Variants in CADPS2 observed in about 807,000 individuals in gnomAD.
CADPS2 encodes calcium-dependent secretion activator 2.
CADPS2 carries 93 observed loss-of-function variants against 172.5 expected under a neutral mutation model. The ratio of observed to expected loss-of-function variants is 0.54; its 90% CI spans 0.46 to 0.64. The LOEUF is 0.64. Among genes scored for constraint, CADPS2 ranks in the 30% least tolerant of loss-of-function variants. The pLI is 0.00. For synonymous variants in CADPS2, 546 were observed against 555.2 expected (o/e 0.98, Z 0.23); for missense variants, 1,420 against 1,565.9 (o/e 0.91, Z 1.57).
At chr7:122,738,970 A>T (rs2092334096) in intron 1 of CADPS2, among the ~76,000 whole-genome samples, 1 of 152,130 alleles carries the variant, frequency 6.6e-6, no homozygotes, top group South Asian at 2.1e-4. Flanking sequence ...AGGTGCAGGA[A>T]CATCATCATT....
intron 1 of CADPS2, among the ~76,000 whole-genome samples, chr7:122,784,176 G>C (rs1197781124): frequency 6.6e-6 from 1 of 151,838 alleles, no homozygotes; most frequent in Non-Finnish European, 1.5e-5. Flanking sequence ...CCCCTAATAA[G>C]CTCAGTTTTT....
chr7:122,713,791 T>C (rs943874309), intron 2 of CADPS2, among the ~76,000 whole-genome samples: 51 of 152,202 alleles, frequency 3.4e-4, no homozygotes, highest in Non-Finnish European at 2.4e-4. Context: ...AGAAGATGCA[T>C]GAAAACAGTG....
chr7:122,392,715 A>G (rs953854836), intron 22 of CADPS2, among the ~76,000 whole-genome samples: 12 of 152,212 alleles, frequency 7.9e-5, no homozygotes, highest in African/African-American at 2.7e-4. Context: ...AGGGCCTGCA[A>G]TGATGCAGTA....
chr7:122,839,584 A>G (rs2140891383), intron 1 of CADPS2, among the ~76,000 whole-genome samples: 1 of 152,312 alleles, frequency 6.6e-6, no homozygotes, highest in Non-Finnish European at 1.5e-5. Context: ...AATTTACAGG[A>G]AAAAAACAAA....
intron 1 of CADPS2, among the ~76,000 whole-genome samples, chr7:122,823,885 G>C (rs1804094691): frequency 6.6e-6 from 1 of 152,054 alleles, no homozygotes. Context: ...GGGTTGTGCA[G>C]GAGGGTGTTC....
At chr7:122,720,691 C>A (rs1457142021) in intron 2 of CADPS2, among the ~76,000 whole-genome samples, 1 of 151,578 alleles carries the variant, frequency 6.6e-6, no homozygotes, top group Non-Finnish European at 1.5e-5. Flanking sequence ...TTTTAATATA[C>A]CCCTAAAAAG....
intron 1 of CADPS2, among the ~76,000 whole-genome samples, chr7:122,841,051 A>G (rs1389414737): frequency 1.3e-5 from 2 of 152,212 alleles, no homozygotes; most frequent in African/African-American, 2.4e-5. Context: ...GATCAATATA[A>G]GAAATCACTC....
intron 1 of CADPS2, among the ~76,000 whole-genome samples, chr7:122,875,955 C>A (rs977376240): frequency 3.3e-5 from 5 of 151,966 alleles, no homozygotes; most frequent in Non-Finnish European, 7.4e-5. Context: ...AAGGGAAACA[C>A]AAAGAAAGGA....
chr7:122,370,648 G>A (rs1167847788), intron 25 of CADPS2, among the ~76,000 whole-genome samples: 1 of 152,160 alleles, frequency 6.6e-6, no homozygotes, highest in African/African-American at 2.4e-5. Flanking sequence ...TGGGTAAGGA[G>A]AGGGCTAAAT....
intron 8 of CADPS2, among the ~76,000 whole-genome samples, chr7:122,520,849 G>A (rs546358227): frequency 6.6e-6 from 1 of 152,174 alleles, no homozygotes; most frequent in African/African-American, 2.4e-5. Context: ...TGCTGTGAGA[G>A]TTCATGGTTT....
intron 8 of CADPS2, among the ~76,000 whole-genome samples, chr7:122,514,410 G>C (rs1032823838): frequency 6.6e-6 from 1 of 151,884 alleles, no homozygotes; most frequent in Non-Finnish European, 1.5e-5. Context: ...TAAAATCTTA[G>C]GCTGAATCTT....
At chr7:122,803,294 G>A (rs1798033958) in intron 1 of CADPS2, among the ~76,000 whole-genome samples, 1 of 152,168 alleles carries the variant, frequency 6.6e-6, no homozygotes, top group African/African-American at 2.4e-5. Context: ...AATGTTGCCA[G>A]CATTTGTTCT....
chr7:122,663,661 T>G (rs2080861905), intron 2 of CADPS2, 92 bp from the exon 3 acceptor site: 1 of 910,400 alleles, frequency 1.1e-6, no homozygotes, highest in African/African-American at 1.7e-5. Flanking sequence ...CAGCCAGAGT[T>G]TCTACAAATA....
chr7:122,876,100 C>A (rs1821139687), intron 1 of CADPS2, among the ~76,000 whole-genome samples: 1 of 152,142 alleles, frequency 6.6e-6, no homozygotes, highest in East Asian at 1.9e-4. Context: ...GCGGGTGGAT[C>A]ACTTGAGGTC....
chr7:122,379,246 T>C (rs2042712393), intron 25 of CADPS2, 122 bp downstream of exon 25: 1 of 583,786 alleles, frequency 1.7e-6, no homozygotes, highest in Admixed American at 3.7e-5. Context: ...AAAATTCTAA[T>C]TTTTTCCTGC....
intron 1 of CADPS2, among the ~76,000 whole-genome samples, chr7:122,830,117 C>G (rs900576429): frequency 6.6e-6 from 1 of 151,962 alleles, no homozygotes; most frequent in Non-Finnish European, 1.5e-5. Flanking sequence ...CAAGGTGACA[C>G]GGCAAGTAAC....
intron 2 of CADPS2, among the ~76,000 whole-genome samples, chr7:122,715,417 G>A (rs2089449176): frequency 6.6e-6 from 1 of 152,054 alleles, no homozygotes; most frequent in Admixed American, 6.6e-5. Flanking sequence ...TTGTGAATAA[G>A]ACACATGAAT....
chr7:122,552,756 G>A (rs182749414), intron 8 of CADPS2, among the ~76,000 whole-genome samples: 1 of 149,076 alleles, frequency 6.7e-6, no homozygotes, highest in Non-Finnish European at 1.5e-5. Flanking sequence ...GGGTCATCTC[G>A]GCACTATGAT....
intron 6 of CADPS2, among the ~76,000 whole-genome samples, chr7:122,607,752 T>A (rs1341757450): frequency 6.6e-6 from 1 of 152,158 alleles, no homozygotes; most frequent in Admixed American, 6.6e-5. Flanking sequence ...GGCTAATGCT[T>A]ATCTCTTTAG....
Sources: gnomAD v4.1 joint callset for allele counts (sites outside exome capture counted in the v4.1 genomes callset) on GRCh38, gnomAD v4.1.1 for gene constraint, MANE v1.5 for transcripts, NCBI Gene and HGNC (gene_info 2026-07-23, HGNC 2026-07-21) for gene names.